Variants in PGRMC2 observed in about 807,000 individuals in gnomAD.
PGRMC2 encodes membrane-associated progesterone receptor component 2.
Under a neutral mutation model 19.3 loss-of-function variants are expected in PGRMC2, and 9 were observed. That is an observed-to-expected ratio of 0.47 (90% CI 0.28 to 0.81). The LOEUF is 0.81. Among genes scored for constraint, PGRMC2 ranks in the 40% least tolerant of loss-of-function variants. PGRMC2 has a pLI of 0.11. For missense variants in PGRMC2, 289 were observed against 297.3 expected (o/e 0.97, Z 0.21); for synonymous variants, 157 against 124.6 (o/e 1.26, Z -1.73).
At position 128,287,761 on chromosome 4, in the gene PGRMC2, T is replaced by G. The variant is rs748564154; in HGVS notation, c.30A>C (p.Leu10=). MAAGDGDVK[L]GTLGSGSESS... is the part of the protein sequence containing the mutation. ...TCTCGCTGCCACTCCCCAGGGTGCC[T>G]AGCTTCACGTCCCCATCACCAGCCG... Residue 10 remains leucine (L), a synonymous_variant, in exon 1 of 3, where the codon CTA becomes CTC. Coordinates refer to ENST00000296425, the MANE Select transcript of PGRMC2 (RefSeq NM_006320.6). The G allele has an allele frequency of 2.0e-6, 3 of 1,472,094 alleles. No individual in the cohort carries two copies. In the South Asian group the frequency reaches 3.5e-5, roughly 17 times the overall value. 91.2% of individuals were successfully genotyped at this position (1,472,094 alleles called of 1,614,324 possible).
intron 1 of PGRMC2, among the ~76,000 whole-genome samples, chr4:128,276,084 A>G (rs191046487): frequency 6.6e-6 from 1 of 152,294 alleles, no homozygotes; most frequent in African/African-American, 2.4e-5. Context: ...TGGATGGGTT[A>G]TTCTGAGGAA....
intron 2 of PGRMC2, among the ~76,000 whole-genome samples, 187 bp downstream of exon 2, chr4:128,272,175 C>A (rs563253708): frequency 7.2e-5 from 11 of 152,252 alleles, no homozygotes; most frequent in African/African-American, 2.6e-4. Context: ...TCAAGGGATT[C>A]CCATCAGCAG....
chr4:128,287,239 G>A (rs1316937192), intron 1 of PGRMC2, 134 bp downstream of exon 1: 3 of 998,010 alleles, frequency 3.0e-6, no homozygotes, highest in East Asian at 5.5e-5. Context: ...CGTCCCAGGT[G>A]CGGCGGCCGA....
rs988849236 is a variant in PGRMC2 at position 128,283,974 on chromosome 4, T to A, written c.418+3399A>T. 5.3e-4 allele frequency among the ~76,000 whole-genome samples: 45 copies of A among 84,148 alleles called. No homozygotes were observed. The East Asian group carries it at 9.8e-3, about 18-fold the overall frequency. 55.2% of individuals were successfully genotyped at this position (84,148 alleles called of 152,430 possible). The stretch of plus-strand genomic sequence containing the variant: ...CGTGCCTGGCCTTTATTTTTTTATT[T>A]TTATTTTTTTTTTTTTAGTAGAGAT... On this transcript the variant is annotated intron_variant, in intron 1 of 2. Coordinates refer to ENST00000296425, the MANE Select transcript of PGRMC2 (RefSeq NM_006320.6).
chr4:128,284,557 TCCA>T (rs1198133830), intron 1 of PGRMC2, among the ~76,000 whole-genome samples: 3 of 152,232 alleles, frequency 2.0e-5, no homozygotes, highest in African/African-American at 7.2e-5. Flanking sequence ...ATGTGTATAC[TCCA>T]CCAAATTACA....
In PGRMC2 at chr4:128,270,190, T is replaced by C. The variant is rs1384754804; in HGVS notation, c.*1126A>G. Reference sequence around the variant, plus strand: ...TAAAATGGTACTTGTATTTACAGTATCTGCAGAAAGAGTCCCTTCCAAGGC... The same window carrying C: ...TAAAATGGTACTTGTATTTACAGTACCTGCAGAAAGAGTCCCTTCCAAGGC... On this transcript the variant is annotated 3_prime_UTR_variant, in exon 3 of 3. Transcript: ENST00000296425. The C allele has an allele frequency of 6.6e-6, 1 of 152,656 alleles. No individual in the cohort carries two copies. The highest frequency in any genetic ancestry group is 1.5e-5 in the Non-Finnish European group (1 of 68,046). 9.5% of individuals were successfully genotyped at this position (152,656 alleles called of 1,614,324 possible).
At chr4:128,274,027 C>T (rs893461947) in intron 1 of PGRMC2, among the ~76,000 whole-genome samples, 3 of 152,100 alleles carry the variant, frequency 2.0e-5, no homozygotes, top group East Asian at 3.8e-4. Flanking sequence ...ACATGACTAT[C>T]AACAATTATT....
At chr4:128,280,992 C>T (rs932276466) in intron 1 of PGRMC2, among the ~76,000 whole-genome samples, 2 of 152,086 alleles carry the variant, frequency 1.3e-5, no homozygotes, top group East Asian at 1.9e-4. Flanking sequence ...CTATAGGACA[C>T]ACCTCACTAA....
rs1760714000 is a variant in PGRMC2 at position 128,270,682 on chromosome 4, C to T, written c.*634G>A. 1.3e-5 allele frequency: 2 copies of T among 152,416 alleles called. No homozygotes were observed. The highest frequency in any genetic ancestry group is 4.1e-4 in the South Asian group (2 of 4,824). 9.4% of individuals were successfully genotyped at this position (152,416 alleles called of 1,614,324 possible). On this transcript the variant is annotated 3_prime_UTR_variant, in exon 3 of 3. Transcript: ENST00000296425. ...TTCAAATGATCTTTCTGTTGGGGAACTAGCTCTGACTTAAACCCACCTGAA... is the reference window on the plus strand; with the variant it reads ...TTCAAATGATCTTTCTGTTGGGGAATTAGCTCTGACTTAAACCCACCTGAA...
At chr4:128,284,104 C>A (rs1033177539) in intron 1 of PGRMC2, among the ~76,000 whole-genome samples, 1 of 152,148 alleles carries the variant, frequency 6.6e-6, no homozygotes, top group East Asian at 1.9e-4. Flanking sequence ...AGCCACCGTG[C>A]CTGGCCGAAA....
intron 1 of PGRMC2, among the ~76,000 whole-genome samples, chr4:128,285,317 C>T (rs1339273219): frequency 2.0e-5 from 3 of 152,080 alleles, no homozygotes; most frequent in East Asian, 1.9e-4. Flanking sequence ...TTAGTAGAGA[C>T]GAGGTTTTGT....
chr4:128,277,190 AAAAC>A (rs1760827200), intron 1 of PGRMC2, among the ~76,000 whole-genome samples: 1 of 150,804 alleles, frequency 6.6e-6, no homozygotes. Context: ...ACAAACAAAC[AAAAC>A]AAACCCAACA....
rs1246138354 is a variant in PGRMC2 at position 128,269,803 on chromosome 4, T to C, written c.*1513A>G. ...CCTAATAAAATAATAATTTAGTATC[T>C]ATCAGTGCAATATTCTTTTACTGTT... On this transcript the variant is annotated 3_prime_UTR_variant, in exon 3 of 3. Transcript: ENST00000296425. The C allele has an allele frequency of 6.6e-6, 1 of 152,240 alleles. No individual in the cohort carries two copies. Among genetic ancestry groups the C allele is most frequent in the Non-Finnish European group, 1.5e-5 (1 of 68,044 alleles). 9.4% of individuals were successfully genotyped at this position (152,240 alleles called of 1,614,324 possible).
At chr4:128,284,840 T>C (rs1285447160) in intron 1 of PGRMC2, among the ~76,000 whole-genome samples, 1 of 152,222 alleles carries the variant, frequency 6.6e-6, no homozygotes, top group Non-Finnish European at 1.5e-5. Context: ...TTTAAGATTT[T>C]TTGAAAAGTA....
At chr4:128,287,236 G>T in intron 1 of PGRMC2, 137 bp downstream of exon 1, 1 of 957,138 alleles carries the variant, frequency 1.0e-6, no homozygotes. Flanking sequence ...GGCCGTCCCA[G>T]GTGCGGCGGC....
chr4:128,287,253 G>GC, intron 1 of PGRMC2, 120 bp downstream of exon 1: 1 of 1,211,138 alleles, frequency 8.3e-7, no homozygotes, highest in Non-Finnish European at 1.1e-6. Flanking sequence ...CGGCCGAGGC[G>GC]CGGGGGTCCC....
chr4:128,287,554 A>ACCCCCCCCCC lies in PGRMC2; in HGVS notation c.236_237insGGGGGGGGGG (p.Leu80GlyfsTer73). 1 of 924,840 alleles carries ACCCCCCCCCC rather than the reference A, an allele frequency of 1.1e-6. No individual in the cohort carries two copies. The highest frequency in any genetic ancestry group is 1.5e-6 in the Non-Finnish European group (1 of 672,998). The allele number at this position is 924,840 out of a possible 1,614,324, so 57.3% of individuals were successfully genotyped here. ...CGCCCGCCCCGGCCCCGGCCCCCAG[A>ACCCCCCCCCC]CCCCGCCGCCCCCAGCGCACCCACA... On this transcript the variant is annotated frameshift_variant, in exon 1 of 3. Transcript: ENST00000296425. LOFTEE classifies it high-confidence loss of function.
At chr4:128,277,758 G>C (rs1399494291) in intron 1 of PGRMC2, among the ~76,000 whole-genome samples, 1 of 152,176 alleles carries the variant, frequency 6.6e-6, no homozygotes, top group Non-Finnish European at 1.5e-5. Context: ...CTTAGGTCCA[G>C]TAAGTCCCAA....
At chr4:128,280,352 G>GAAAAAAAAAAAAAAAAAAAAAAAAAAAA in intron 1 of PGRMC2, among the ~76,000 whole-genome samples, 1 of 60,540 alleles carries the variant, frequency 1.7e-5, no homozygotes, top group Non-Finnish European at 3.0e-5. Context: ...AAATTTTCTG[G>GAAAAAAAAAAAAAAAAAAAAAAAAAAAA]GAAAAAAAAA....
Sources: gnomAD v4.1 joint callset for allele counts (sites outside exome capture counted in the v4.1 genomes callset) on GRCh38, gnomAD v4.1.1 for gene constraint, MANE v1.5 for transcripts, NCBI Gene and HGNC (gene_info 2026-07-23, HGNC 2026-07-21) for gene names.